ARHGAP33: variants seen among roughly 807,000 people sequenced by gnomAD.
ARHGAP33 encodes the protein rho GTPase-activating protein 33.
A neutral mutation model predicts 126.2 loss-of-function variants in ARHGAP33; 57 were observed. That is an observed-to-expected ratio of 0.45 (90% CI 0.36 to 0.56). The LOEUF (loss-of-function observed/expected upper bound fraction) is 0.56. Ranked by LOEUF, ARHGAP33 falls within the 20% of genes least tolerant of loss-of-function variation. ARHGAP33 has a pLI of 0.00. For missense variants in ARHGAP33, 1,500 were observed against 1,748.3 expected (o/e 0.86, Z 2.53); for synonymous variants, 711 against 755.0 (o/e 0.94, Z 0.95).
rs542662326 is a variant in ARHGAP33, at chr19:35,775,757, C to T, written c.6+93C>T. 105 of 1,303,774 alleles carry T rather than the reference C, an allele frequency of 8.1e-5. No homozygotes were observed. In the African/African-American group the frequency reaches 1.4e-3, roughly 17 times the overall value. The allele number at this position is 1,303,774 out of a possible 1,614,324, so 80.8% of individuals were successfully genotyped here. A position where few individuals can be genotyped will look rare whatever the true frequency, so the allele number is the denominator to read the frequency against. ...CGCGCGCCCCGCCCCCGGCCCCGCC[C>T]GATCCCGCGGCCTGTGCTTCAGCCG... On this transcript the variant is annotated intron_variant, in intron 1 of 20. Transcript: ENST00000007510.
chr19:35,779,794 G>T, intron 6 of ARHGAP33: 1 of 399,554 alleles, frequency 2.5e-6, no homozygotes. Context: ...GGCTGGTCTT[G>T]AACTCCTGGG....
Position 35,779,026 on chromosome 19 carries a change from C to G in ARHGAP33, c.409-6C>G. On this transcript the variant is annotated splice_region_variant and splice_polypyrimidine_tract_variant and intron_variant, in intron 5 of 20. Coordinates refer to ENST00000007510, the MANE Select transcript of ARHGAP33 (RefSeq NM_001366178.1). ...ACAGAGGCCCACTCTGACAACCTGC[C>G]CCCAGATGCTGGTGCCACTGCTGCT... is the stretch of plus-strand genomic sequence containing the variant. 6.5e-7 allele frequency: 1 copy of G among 1,549,778 alleles called. No individual in the cohort carries two copies. The highest frequency in any genetic ancestry group is 1.4e-5 in the African/African-American group (1 of 73,056).
rs777561786 is a variant in ARHGAP33, at chr19:35,787,693, C to T, written c.3128C>T (p.Pro1043Leu). 6.3e-7 allele frequency: 1 copy of T among 1,594,076 alleles called. No homozygotes were observed. Among genetic ancestry groups the T allele is most frequent in the South Asian group, 1.1e-5 (1 of 88,092 alleles). The change falls in exon 21 of 21, where the codon CCC (proline) becomes CTC (leucine). Residue 1043 changes from proline to leucine, a missense_variant. This residue lies in a region of ARHGAP33 where 642 missense variants were observed against 634.0 expected (regional missense o/e 1.01). Transcript: ENST00000007510. ...FSPAPRECLP[P>L]FLGVPKPGLY... ...CCAGCCCCCAGGGAGTGCCTGCCAC[C>T]CTTCCTCGGGGTCCCCAAGCCAGGC...
chr19:35,786,526 T>G lies in ARHGAP33; in HGVS notation c.2056T>G (p.Ser686Ala). The change falls in exon 20 of 21, where the codon TCC (serine) becomes GCC (alanine). Residue 686 changes from serine to alanine, a missense_variant. By Grantham distance (99) the Ser-to-Ala change is moderately conservative (BLOSUM62 1). Coordinates refer to ENST00000007510, the MANE Select transcript of ARHGAP33 (RefSeq NM_001366178.1). This position sits in a 1 kb window ranked among gnomAD's most constrained non-coding sequence, Gnocchi z 7.0. ...CCTGTCCTCGTCCTCCTCCTCCGAGTCCTCCTCCTCTGAGTCCTCCTCTTC... is the reference window on the plus strand; with the variant it reads ...CCTGTCCTCGTCCTCCTCCTCCGAGGCCTCCTCCTCTGAGTCCTCCTCTTC... ...ESLSSSSSSE[S>A]SSSESSSSSS... 2 of 1,535,894 alleles carry G rather than the reference T, an allele frequency of 1.3e-6. No homozygotes were observed. Among genetic ancestry groups the G allele is most frequent in the Non-Finnish European group, 1.7e-6 (2 of 1,146,796 alleles).
In ARHGAP33 at chr19:35,786,266, G is replaced by A; in HGVS notation, c.1943-147G>A. The stretch of plus-strand genomic sequence containing the variant: ...TTGGGCCGGAAGTGTCCTCTTCATG[G>A]TCTCCACTGTCAATCTGAACAGCTC... On this transcript the variant is annotated intron_variant, in intron 19 of 20. Transcript: ENST00000007510. The surrounding 1 kb of genome is among the most constrained non-coding windows in gnomAD (Gnocchi z 7.0). 1.4e-6 allele frequency: 2 copies of A among 1,429,656 alleles called. No homozygotes were observed. Among genetic ancestry groups the A allele is most frequent in the Non-Finnish European group, 1.8e-6 (2 of 1,096,448 alleles). 88.6% of individuals were successfully genotyped at this position (1,429,656 alleles called of 1,614,324 possible). A position where few individuals can be genotyped will look rare whatever the true frequency, so the allele number is the denominator to read the frequency against.
chr19:35,784,751 G>A, intron 16 of ARHGAP33: 2 of 1,354,992 alleles, frequency 1.5e-6, no homozygotes, highest in South Asian at 1.9e-5. Context: ...GCCGGGAGCT[G>A]CCTCCTCATC....
At chr19:35,783,490 G>A (rs903374481) in intron 15 of ARHGAP33, among the ~76,000 whole-genome samples, 1 of 152,186 alleles carries the variant, frequency 6.6e-6, no homozygotes, top group South Asian at 2.1e-4. Flanking sequence ...AGAGGATGAG[G>A]GAGGGCCCCA....
rs1326123488 is a variant in ARHGAP33 at position 35,788,619 on chromosome 19, T to TC, written c.*196dup. 3.8e-6 allele frequency: 2 copies of TC among 528,824 alleles called. No individual in the cohort carries two copies. Among genetic ancestry groups the TC allele is most frequent in the Non-Finnish European group, 6.4e-6 (2 of 312,118 alleles). The allele number at this position is 528,824 out of a possible 1,614,324, so 32.8% of individuals were successfully genotyped here. A position where few individuals can be genotyped will look rare whatever the true frequency, so the allele number is the denominator to read the frequency against. On this transcript the variant is annotated 3_prime_UTR_variant, in exon 21 of 21. Coordinates refer to ENST00000007510, the MANE Select transcript of ARHGAP33 (RefSeq NM_001366178.1). ...TACCCTGGACTGAAGGGTCTGCCCA[T>TC]CCCCCCACCACCCTCCATCCTGGGG...
At position 35,786,762 on chromosome 19, in the gene ARHGAP33, C is replaced by G. The variant is rs747703373; in HGVS notation, c.2292C>G (p.Pro764=). ...CACCTCCCGCCAGCCCAGCACCCCCCGCCCCTGCCTCTGCCTTCCCACCCA... is the reference window on the plus strand; with the variant it reads ...CACCTCCCGCCAGCCCAGCACCCCCGGCCCCTGCCTCTGCCTTCCCACCCA... ...DPAPPASPAP[P]APASAFPPRV... The change falls in exon 20 of 21, where the codon CCC becomes CCG. Residue 764 remains proline (P), a synonymous_variant. Coordinates refer to ENST00000007510, the MANE Select transcript of ARHGAP33 (RefSeq NM_001366178.1). This position sits in a 1 kb window ranked among gnomAD's most constrained non-coding sequence, Gnocchi z 7.0. The G allele has an allele frequency of 2.6e-6, 4 of 1,517,092 alleles. No homozygotes were observed. Among genetic ancestry groups the G allele is most frequent in the Non-Finnish European group, 3.5e-6 (4 of 1,136,538 alleles). The allele number at this position is 1,517,092 out of a possible 1,614,324, so 94.0% of individuals were successfully genotyped here.
rs117818455 is a variant in ARHGAP33 at position 35,780,785 on chromosome 19, G to A, written c.798G>A (p.Pro266=). The A allele has an allele frequency of 0.012, 18,725 of 1,613,866 alleles. 143 individuals are homozygous for A. Among genetic ancestry groups the A allele is most frequent in the Non-Finnish European group, 0.014 (16,836 of 1,180,002 alleles). The change falls in exon 10 of 21, where the codon CCG becomes CCA. Residue 266 remains proline (P), a synonymous_variant. Coordinates refer to ENST00000007510, the MANE Select transcript of ARHGAP33 (RefSeq NM_001366178.1). ...ADADGPPCGI[P]APQGISSLTS... is the part of the protein sequence containing the mutation. Reference sequence around the variant, plus strand: ...CCGATGGCCCCCCATGTGGCATCCCGGCTCCCCAGGGTATCTCGTCTCTGA... The same window carrying A: ...CCGATGGCCCCCCATGTGGCATCCCAGCTCCCCAGGGTATCTCGTCTCTGA...
At chr19:35,777,449 C>T (rs915095092) in intron 1 of ARHGAP33, 196 bp from the exon 2 acceptor site, 3 of 605,826 alleles carry the variant, frequency 5.0e-6, no homozygotes, top group East Asian at 5.5e-5. Context: ...TTCTCCAGTC[C>T]CCCACCCCAG....
chr19:35,780,633 C>G lies in ARHGAP33; in HGVS notation c.754C>G (p.Pro252Ala). 6.9e-7 allele frequency: 1 copy of G among 1,456,662 alleles called. No individual in the cohort carries two copies. Among genetic ancestry groups the G allele is most frequent in the Non-Finnish European group, 9.2e-7 (1 of 1,082,584 alleles). The allele number at this position is 1,456,662 out of a possible 1,614,324, so 90.2% of individuals were successfully genotyped here. A position where few individuals can be genotyped will look rare whatever the true frequency, so the allele number is the denominator to read the frequency against. ...CVELFTERPG[P>A]GLKADADGPP... ...GGAACTCTTCACAGAGCGGCCAGGT[C>G]CGGGCCTGAAGGCGGGTAAGTGCCA... The change falls in exon 9 of 21, where the codon CCG becomes GCG. Residue 252 changes from proline to alanine, a missense_variant. Around this residue, in one of 6 missense-constraint regions of ARHGAP33, gnomAD observed 281 missense variants for 413.7 expected, o/e 0.68. Coordinates refer to ENST00000007510, the MANE Select transcript of ARHGAP33 (RefSeq NM_001366178.1).
intron 5 of ARHGAP33, 182 bp downstream of exon 5, chr19:35,778,783 GT>G: frequency 9.5e-7 from 1 of 1,058,152 alleles, no homozygotes; most frequent in Non-Finnish European, 1.3e-6. Context: ...GCTTTGCTAA[GT>G]TTTAGGATCA....
Position 35,787,138 on chromosome 19 carries a change from AGCTGAACCCCTCT to A in ARHGAP33, c.2603-29_2603-17del. 1.9e-6 allele frequency: 3 copies of A among 1,604,936 alleles called. No individual in the cohort carries two copies. Among genetic ancestry groups the A allele is most frequent in the Non-Finnish European group, 2.5e-6 (3 of 1,176,566 alleles). On this transcript the variant is annotated splice_polypyrimidine_tract_variant and intron_variant, in intron 20 of 20. Transcript: ENST00000007510. ...TCACTGACTCTGAGGGCCTGGCCCC[AGCTGAACCCCTCT>A]CCATTCATTTATATAGGTCCTGATA...
chr19:35,777,712 G>C lies in ARHGAP33; in HGVS notation c.74G>C (p.Gly25Ala), dbSNP rs1295230499. The stretch of plus-strand genomic sequence containing the variant: ...GTGCAGCCTCTACCCACTGCTGGGG[G>C]GCCCAGTGTGAAGGGGAAGCCTGGG... ...GSVQPLPTAG[G>A]PSVKGKPGKR... The change falls in exon 2 of 21, where the codon GGG (glycine) becomes GCG (alanine). Residue 25 changes from glycine to alanine, a missense_variant. Gly to Ala is a moderately conservative substitution (Grantham distance 60, BLOSUM62 0). This residue lies in a region of ARHGAP33 where 129 missense variants were observed against 145.9 expected (regional missense o/e 0.88). Transcript: ENST00000007510. 9 of 1,607,094 alleles carry C rather than the reference G, an allele frequency of 5.6e-6. No individual in the cohort carries two copies. Among genetic ancestry groups the C allele is most frequent in the Non-Finnish European group, 7.6e-6 (9 of 1,176,904 alleles).
At position 35,780,289 on chromosome 19, in the gene ARHGAP33, A is replaced by G; in HGVS notation, c.580A>G (p.Ile194Val). Residue 194 changes from isoleucine (I) to valine (V), a missense_variant, in exon 7 of 21, where the codon ATC becomes GTC. Ile to Val is a conservative substitution (Grantham distance 29). Around this residue, in one of 6 missense-constraint regions of ARHGAP33, gnomAD observed 75 missense variants for 152.7 expected, o/e 0.49. Coordinates refer to ENST00000007510, the MANE Select transcript of ARHGAP33 (RefSeq NM_001366178.1). ...CCCTGCAGTGGCGGCCGCCCATGTGATCAAACGGTATACAGCCCAGGCGCC... is the reference window on the plus strand; with the variant it reads ...CCCTGCAGTGGCGGCCGCCCATGTGGTCAAACGGTATACAGCCCAGGCGCC... ...NIPAVAAAHV[I>V]KRYTAQAPDE... 24 of 1,613,782 alleles carry G rather than the reference A, an allele frequency of 1.5e-5. No individual in the cohort carries two copies. The highest frequency in any genetic ancestry group is 2.0e-5 in the Non-Finnish European group (24 of 1,180,002).
chr19:35,782,235 T>G lies in ARHGAP33; in HGVS notation c.1086-138T>G. The G allele has an allele frequency of 1.0e-6, 1 of 956,114 alleles. No individual in the cohort carries two copies. Among genetic ancestry groups the G allele is most frequent in the Non-Finnish European group, 1.6e-6 (1 of 638,172 alleles). 59.2% of individuals were successfully genotyped at this position (956,114 alleles called of 1,614,324 possible). A position where few individuals can be genotyped will look rare whatever the true frequency, so the allele number is the denominator to read the frequency against. ...GGGGAGTTCAGTAAGGTTCTGCCTC[T>G]GAAGAGCCCAGTGTAGGACCTGGGG... is the stretch of plus-strand genomic sequence containing the variant. On this transcript the variant is annotated intron_variant, in intron 12 of 20. Coordinates refer to ENST00000007510, the MANE Select transcript of ARHGAP33 (RefSeq NM_001366178.1). The surrounding 1 kb of genome is among the most constrained non-coding windows in gnomAD (Gnocchi z 4.1).
Position 35,777,682 on chromosome 19 carries a change from G to C in ARHGAP33, c.44G>C (p.Gly15Ala). 2 of 1,589,412 alleles carry C rather than the reference G, an allele frequency of 1.3e-6. No homozygotes were observed. The highest frequency in any genetic ancestry group is 4.5e-5 in the East Asian group (2 of 44,162). Residue 15 changes from glycine to alanine, a missense_variant, in exon 2 of 21, where the codon GGC (glycine) becomes GCC (alanine). Gly to Ala is a moderately conservative substitution (Grantham distance 60). Transcript: ENST00000007510. Reference protein sequence around the residue: ...STDSLDGPGEGSVQPLPTAGG... With the variant: ...STDSLDGPGEASVQPLPTAGG... ...GACAGCCTGGATGGCCCAGGGGAGG[G>C]CTCGGTGCAGCCTCTACCCACTGCT... is the stretch of plus-strand genomic sequence containing the variant.
Position 35,779,307 on chromosome 19 carries a change from T to TGC in ARHGAP33, c.501+184_501+185dup. The TGC allele has an allele frequency of 6.8e-6, 4 of 584,070 alleles. 1 individual carries two copies. Among genetic ancestry groups the TGC allele is most frequent in the Non-Finnish European group, 6.1e-6 (2 of 328,612 alleles). 36.2% of individuals were successfully genotyped at this position (584,070 alleles called of 1,614,324 possible). A position where few individuals can be genotyped will look rare whatever the true frequency, so the allele number is the denominator to read the frequency against. Reference sequence around the variant, plus strand: ...GAATGTGTGTGAGCATGTGTGTGTGTGCACGTGTGTGTGTTAGCAGGTGTT... The same window carrying TGC: ...GAATGTGTGTGAGCATGTGTGTGTGTGCGCACGTGTGTGTGTTAGCAGGTGTT... On this transcript the variant is annotated intron_variant, in intron 6 of 20. Coordinates refer to ENST00000007510, the MANE Select transcript of ARHGAP33 (RefSeq NM_001366178.1).
Sources: gnomAD v4.1 joint callset for allele counts (sites outside exome capture counted in the v4.1 genomes callset) on GRCh38, gnomAD v4.1.1 for gene constraint, gnomAD v4.1.1 regional missense constraint, Gnocchi (gnomAD v3.1) non-coding constraint, MANE v1.5 for transcripts, NCBI Gene and HGNC (gene_info 2026-07-23, HGNC 2026-07-21) for gene names.